ASIC2: variants seen among roughly 807,000 people sequenced by gnomAD.
The protein encoded by ASIC2 is acid sensing ion channel subunit 2, also known as acid-sensing ion channel 2.
A neutral mutation model predicts 57.3 loss-of-function variants in ASIC2; 25 were observed. That is an observed-to-expected ratio of 0.44 (90% CI 0.32 to 0.61). ASIC2 has a LOEUF of 0.61. Among genes scored for constraint, ASIC2 ranks in the 20% least tolerant of loss-of-function variants. The pLI, the probability that ASIC2 is intolerant of heterozygous loss-of-function variation, is 0.06. For missense variants in ASIC2, 641 were observed against 738.1 expected, an observed-to-expected ratio of 0.87 and a Z score of 1.52; for synonymous variants, 319 against 307.5, an observed-to-expected ratio of 1.04 and a Z score of -0.39.
At chr17:34,011,033 G>GCACACACACA (rs1555580928) in intron 1 of ASIC2, among the ~76,000 whole-genome samples, 1 of 2,832 alleles carries the variant, frequency 3.5e-4, no homozygotes, top group Non-Finnish European at 7.4e-4. Flanking sequence ...TCAGACACAT[G>GCACACACACA]CACACACACA....
intron 1 of ASIC2, among the ~76,000 whole-genome samples, chr17:33,961,067 GC>G (rs1470884493): frequency 1.3e-5 from 2 of 152,210 alleles, no homozygotes; most frequent in Non-Finnish European, 2.9e-5. Flanking sequence ...GATGATCAAC[GC>G]CCAGGCCAAG....
Position 33,473,375 on chromosome 17 carries a change from T to C in ASIC2, c.556-361308A>G, listed in dbSNP as rs559395503. Among the ~76,000 whole-genome samples, 4 of 152,290 alleles carry C rather than the reference T, an allele frequency of 2.6e-5. No homozygotes were observed. In the East Asian group the frequency reaches 7.7e-4, roughly 29 times the overall value. On this transcript the variant is annotated intron_variant, in intron 1 of 9. Coordinates refer to the ASIC2 transcript ENST00000359872. ...ATGCCAGTGACATTTATTCCTGAGA[T>C]GAAGGATGCAGAATGAATGGAGATC...
chr17:33,333,584 T>G (rs1326410329), intron 1 of ASIC2, among the ~76,000 whole-genome samples: 1 of 152,232 alleles, frequency 6.6e-6, no homozygotes, highest in East Asian at 1.9e-4. Context: ...GGTATGGTGA[T>G]GAGCAATTTC....
chr17:33,828,658 T>A (rs1031311096), intron 1 of ASIC2, among the ~76,000 whole-genome samples: 23 of 152,188 alleles, frequency 1.5e-4, no homozygotes, highest in African/African-American at 5.5e-4. Context: ...TGAGAGCACG[T>A]AAACTGGAAA....
intron 1 of ASIC2, among the ~76,000 whole-genome samples, chr17:33,541,990 G>A (rs566998236): frequency 6.6e-6 from 1 of 152,288 alleles, no homozygotes; most frequent in East Asian, 1.9e-4. Flanking sequence ...AATAATGAAA[G>A]TTTCTATCTC....
intron 1 of ASIC2, among the ~76,000 whole-genome samples, chr17:33,658,440 G>A (rs1366640359): frequency 6.6e-6 from 1 of 152,170 alleles, no homozygotes; most frequent in African/African-American, 2.4e-5. Context: ...AGTTTGCTCT[G>A]GAATGGGAGA....
chr17:33,181,834 C>G (rs145771995), intron 1 of ASIC2, among the ~76,000 whole-genome samples: 2 of 152,112 alleles, frequency 1.3e-5, no homozygotes, highest in African/African-American at 4.8e-5. Flanking sequence ...AAGAAACAAA[C>G]GAACAAAAAC....
In ASIC2 at chr17:33,618,247, T is replaced by A. The variant is rs137945484; in HGVS notation, c.556-506180A>T. 7.9e-3 allele frequency among the ~76,000 whole-genome samples: 1,199 copies of A among 152,002 alleles called. 10 individuals carry two copies. The highest frequency in any genetic ancestry group is 0.041 in the Middle Eastern group (12 of 294). On this transcript the variant is annotated intron_variant, in intron 1 of 9. Transcript: ENST00000359872. ...GTTTGTTTGTTTTTTTGAGACAGAG[T>A]CTTGCTGTGTTGCCTAGGCTGGCCT...
intron 1 of ASIC2, among the ~76,000 whole-genome samples, chr17:33,501,399 G>T (rs1427074036): frequency 6.6e-6 from 1 of 152,138 alleles, no homozygotes; most frequent in Non-Finnish European, 1.5e-5. Flanking sequence ...GCCAGCAGGG[G>T]CTCCAGTGAG....
intron 1 of ASIC2, among the ~76,000 whole-genome samples, chr17:33,706,234 T>C (rs1313151386): frequency 6.7e-6 from 1 of 149,778 alleles, no homozygotes. Flanking sequence ...TATATATGTA[T>C]ATTTTTGAGA....
At chr17:33,331,142 T>G (rs2142225891) in intron 1 of ASIC2, among the ~76,000 whole-genome samples, 1 of 152,218 alleles carries the variant, frequency 6.6e-6, no homozygotes, top group Middle Eastern at 3.4e-3. Flanking sequence ...ATTTGAGGGA[T>G]CTAGGTTAAG....
intron 1 of ASIC2, among the ~76,000 whole-genome samples, chr17:33,905,094 A>G (rs549614393): frequency 6.6e-6 from 1 of 150,496 alleles, no homozygotes; most frequent in South Asian, 2.1e-4. Flanking sequence ...TAAATGTATT[A>G]AGTAGTTCCT....
intron 1 of ASIC2, among the ~76,000 whole-genome samples, chr17:33,342,543 C>T (rs1185887453): frequency 6.6e-6 from 1 of 152,118 alleles, no homozygotes; most frequent in East Asian, 1.9e-4. Context: ...GCCTGCTGTG[C>T]TCCCAATAGC....
intron 1 of ASIC2, among the ~76,000 whole-genome samples, chr17:33,358,058 TG>T (rs1908454787): frequency 6.6e-6 from 1 of 152,218 alleles, no homozygotes; most frequent in African/African-American, 2.4e-5. Flanking sequence ...ATTCTGGATC[TG>T]GGGGTTGGCA....
chr17:33,415,949 A>G (rs1249381509), intron 1 of ASIC2, among the ~76,000 whole-genome samples: 1 of 152,226 alleles, frequency 6.6e-6, no homozygotes, highest in Non-Finnish European at 1.5e-5. Flanking sequence ...CATTCAATAA[A>G]GAAATTATTT....
At chr17:33,053,046 C>T (rs1050805149) in intron 3 of ASIC2, among the ~76,000 whole-genome samples, 1 of 152,136 alleles carries the variant, frequency 6.6e-6, no homozygotes, top group Non-Finnish European at 1.5e-5. Context: ...GCCCAAATGC[C>T]AACTGCATTG....
chr17:33,679,267 C>T (rs1907924237), intron 1 of ASIC2, among the ~76,000 whole-genome samples: 1 of 152,164 alleles, frequency 6.6e-6, no homozygotes, highest in African/African-American at 2.4e-5. Flanking sequence ...CTAGCACTAA[C>T]CCTCTTGCCC....
chr17:33,530,896 C>T (rs1454748573), intron 1 of ASIC2, among the ~76,000 whole-genome samples: 1 of 152,120 alleles, frequency 6.6e-6, no homozygotes, highest in Non-Finnish European at 1.5e-5. Flanking sequence ...AAGTGCTTTT[C>T]TGTACATTGT....
chr17:34,097,051 A>G (rs1910573565), intron 1 of ASIC2, among the ~76,000 whole-genome samples: 1 of 151,924 alleles, frequency 6.6e-6, no homozygotes, highest in African/African-American at 2.4e-5. Context: ...TAAGAATAAT[A>G]ATACTCTCTA....
Sources: gnomAD v4.1 joint callset for allele counts (sites outside exome capture counted in the v4.1 genomes callset) on GRCh38, gnomAD v4.1.1 for gene constraint, MANE v1.5 for transcripts, NCBI Gene and HGNC (gene_info 2026-07-23, HGNC 2026-07-21) for gene names.